The following MMS22L variants were observed in gnomAD, a reference collection of about 807,000 sequenced individuals.
MMS22L encodes MMS22 like, DNA repair protein, also known as protein MMS22-like.
MMS22L carries 74 observed loss-of-function variants against 159.1 expected under a neutral mutation model. The ratio of observed to expected loss-of-function variants is 0.47; its 90% CI spans 0.39 to 0.56. MMS22L has a LOEUF of 0.56. Ranked by LOEUF, MMS22L falls within the 20% of genes least tolerant of loss-of-function variation. The probability of loss-of-function intolerance (pLI) is 0.00; values close to 1 mark genes in which losing one functional copy is unlikely to be tolerated. For missense variants in MMS22L, 1,351 were observed against 1,422.1 expected (o/e 0.95, Z 0.80); for synonymous variants, 517 against 506.9 (o/e 1.02, Z -0.27).
At chr6:97,241,916 A>C (rs1812118591) in intron 11 of MMS22L, among the ~76,000 whole-genome samples, 2 of 152,178 alleles carry the variant, frequency 1.3e-5, no homozygotes, top group Non-Finnish European at 2.9e-5. Flanking sequence ...TATAGTTTTC[A>C]AGGTTCATTT....
intron 23 of MMS22L, among the ~76,000 whole-genome samples, chr6:97,150,358 G>C (rs919858269): frequency 1.3e-5 from 2 of 152,002 alleles, no homozygotes; most frequent in African/African-American, 4.8e-5. Context: ...GGATATGGGA[G>C]ACAGTAACAG....
intron 19 of MMS22L, among the ~76,000 whole-genome samples, chr6:97,170,364 G>T (rs1803406243): frequency 6.6e-6 from 1 of 151,962 alleles, no homozygotes; most frequent in Non-Finnish European, 1.5e-5. Flanking sequence ...ATATTTGTGT[G>T]TGTGTTATTA....
chr6:97,279,904 G>C (rs1816606688), intron 3 of MMS22L, among the ~76,000 whole-genome samples: 1 of 152,036 alleles, frequency 6.6e-6, no homozygotes, highest in Non-Finnish European at 1.5e-5. Flanking sequence ...GAATAATGTA[G>C]ACTAAAGTAT....
intron 11 of MMS22L, among the ~76,000 whole-genome samples, chr6:97,244,560 G>A (rs992809571): frequency 1.3e-5 from 2 of 152,150 alleles, no homozygotes; most frequent in Admixed American, 6.5e-5. Context: ...TAAAGAGCAG[G>A]CAGAAGAACA....
At chr6:97,229,989 T>C (rs1249719725) in intron 13 of MMS22L, among the ~76,000 whole-genome samples, 1 of 152,190 alleles carries the variant, frequency 6.6e-6, no homozygotes, top group African/African-American at 2.4e-5. Flanking sequence ...AATAGTACAA[T>C]AGATAATATA....
chr6:97,182,676 T>C (rs1255580327), intron 15 of MMS22L, among the ~76,000 whole-genome samples: 1 of 152,210 alleles, frequency 6.6e-6, no homozygotes, highest in Non-Finnish European at 1.5e-5. Context: ...TAAGAACTCC[T>C]ATGCAGCTTT....
At chr6:97,231,363 A>G (rs1329429791) in intron 13 of MMS22L, 63 bp downstream of exon 13, 2 of 1,201,318 alleles carry the variant, frequency 1.7e-6, no homozygotes, top group South Asian at 2.6e-5. Flanking sequence ...ATAACAAAAT[A>G]CAAATAGTAA....
At chr6:97,166,722 G>A (rs1430626666) in intron 20 of MMS22L, among the ~76,000 whole-genome samples, 4 of 152,124 alleles carry the variant, frequency 2.6e-5, no homozygotes, top group East Asian at 3.9e-4. Flanking sequence ...TACCACTTAC[G>A]AAGCTTAAGA....
At chr6:97,264,687 C>T (rs1582838960) in intron 8 of MMS22L, 1 of 152,020 alleles carries the variant, frequency 6.6e-6, no homozygotes, top group Middle Eastern at 3.4e-3. Context: ...TAAATAAATG[C>T]AGTAAAGTTG....
intron 19 of MMS22L, among the ~76,000 whole-genome samples, chr6:97,169,670 A>G (rs1803321020): frequency 1.3e-5 from 2 of 152,222 alleles, no homozygotes; most frequent in Admixed American, 6.5e-5. Flanking sequence ...CAAAGTTTTA[A>G]ATAATGCTGG....
chr6:97,199,589 AC>A (rs1806919844), intron 14 of MMS22L, among the ~76,000 whole-genome samples: 1 of 151,982 alleles, frequency 6.6e-6, no homozygotes, highest in African/African-American at 2.4e-5. Context: ...CATCCTCAAC[AC>A]TTCTCTCACA....
At chr6:97,249,580 C>T (rs1813025072) in intron 10 of MMS22L, among the ~76,000 whole-genome samples, 1 of 152,036 alleles carries the variant, frequency 6.6e-6, no homozygotes, top group Non-Finnish European at 1.5e-5. Flanking sequence ...CATAGTGCTT[C>T]CTCAAAAAAA....
chr6:97,203,516 C>G (rs1807407760), intron 14 of MMS22L, among the ~76,000 whole-genome samples: 1 of 152,128 alleles, frequency 6.6e-6, no homozygotes, highest in Non-Finnish European at 1.5e-5. Flanking sequence ...CGTGCAAAGC[C>G]ACACTAGTTG....
intron 11 of MMS22L, among the ~76,000 whole-genome samples, chr6:97,235,798 G>C (rs756279911): frequency 2.7e-4 from 41 of 152,146 alleles, no homozygotes; most frequent in Non-Finnish European, 5.6e-4. Flanking sequence ...CCTTGAACAG[G>C]TGAGAAGAGT....
At chr6:97,267,252 A>G (rs1028655060) in intron 8 of MMS22L, 5 of 152,172 alleles carry the variant, frequency 3.3e-5, no homozygotes, top group African/African-American at 4.8e-5. Flanking sequence ...TTTTCCCTCA[A>G]TCTTGATTTC....
chr6:97,255,827 C>T (rs980960468), intron 9 of MMS22L, among the ~76,000 whole-genome samples: 1 of 152,128 alleles, frequency 6.6e-6, no homozygotes, highest in Non-Finnish European at 1.5e-5. Flanking sequence ...TTATTAGCCA[C>T]ATGCAAATTT....
In MMS22L at chr6:97,142,608, C is replaced by T. The variant is rs1238347090; in HGVS notation, c.*4198G>A. On this transcript the variant is annotated 3_prime_UTR_variant, in exon 25 of 25. Transcript: ENST00000683635. ...CAGTGGTTTAGTACAGATGATTCAA[C>T]TTTTGGTGAGGTTTCTGTATCTATT... The T allele has an allele frequency of 2.0e-5, 3 of 152,002 alleles. No individual in the cohort carries two copies. The highest frequency in any genetic ancestry group is 4.8e-5 in the African/African-American group (2 of 41,416). The allele number at this position is 152,002 out of a possible 1,614,324, so 9.4% of individuals were successfully genotyped here.
intron 14 of MMS22L, among the ~76,000 whole-genome samples, chr6:97,193,418 C>CATA (rs1234467407): frequency 5.3e-4 from 81 of 152,196 alleles, no homozygotes; most frequent in Non-Finnish European, 8.5e-4. Context: ...GAAAACATAC[C>CATA]AGTAAGAAGT....
intron 14 of MMS22L, among the ~76,000 whole-genome samples, chr6:97,215,411 A>C (rs1300017642): frequency 6.6e-6 from 1 of 152,102 alleles, no homozygotes; most frequent in Non-Finnish European, 1.5e-5. Flanking sequence ...CTAACATCAC[A>C]GCATCAAAGA....
Sources: allele counts gnomAD v4.1 joint callset (sites outside exome capture counted in the v4.1 genomes callset), GRCh38; gene constraint gnomAD v4.1.1; transcripts MANE v1.5; gene names NCBI Gene and HGNC (gene_info 2026-07-23, HGNC 2026-07-21).